The following TTC23L variants were observed in gnomAD, a reference collection of about 807,000 sequenced individuals.
TTC23L encodes tetratricopeptide repeat domain 23 like.
Under a neutral mutation model 48.1 loss-of-function variants are expected in TTC23L, and 42 were observed. The ratio of observed to expected loss-of-function variants is 0.87; its 90% CI spans 0.68 to 1.13. The LOEUF (loss-of-function observed/expected upper bound fraction) is 1.13, where lower values mean the gene tolerates loss of function less well. Ranked by LOEUF, TTC23L falls within the 50% of genes most tolerant of loss-of-function variation. The pLI, the probability that TTC23L is intolerant of heterozygous loss-of-function variation, is 0.00. For missense variants in TTC23L, 391 were observed against 421.0 expected (o/e 0.93, Z 0.62); for synonymous variants, 159 against 157.2 (o/e 1.01, Z -0.09).
At chr5:34,840,825 G>T in intron 2 of TTC23L, 86 bp downstream of exon 2, 1 of 1,269,710 alleles carries the variant, frequency 7.9e-7, no homozygotes. Context: ...TGGGTGAGGA[G>T]CTTTGCATGA....
exon 10 of TTC23L, chr5:34,896,813 GGAA>G: frequency 2.7e-6 from 2 of 752,946 alleles, no homozygotes; most frequent in Non-Finnish European, 5.0e-6. Context: ...AGCCATTCCT[GGAA>G]GAAGGAACTC....
the TTC23L span, chr5:34,920,633 T>C: frequency 6.6e-6 from 1 of 152,194 alleles, no homozygotes; most frequent in African/African-American, 2.4e-5. Context: ...AAGCAGGTTA[T>C]AGGTTTTGGA....
the TTC23L span, chr5:34,918,225 CACTT>C: frequency 6.0e-6 from 3 of 497,394 alleles, no homozygotes; most frequent in South Asian, 3.3e-5. Context: ...GTGGGAGGAT[CACTT>C]ACTTGAGCCC....
At chr5:34,899,484 T>G (rs1239637669), downstream of TTC23L, 1 of 152,632 alleles carries the variant, frequency 6.6e-6, no homozygotes, top group Non-Finnish European at 1.5e-5. Context: ...AAAATGTTTC[T>G]CAACACTGAT....
rs540696318 is a variant in TTC23L at position 34,880,002 on chromosome 5, A to G, written c.950-179A>G. Reference sequence around the variant, plus strand: ...AGAGTGATACTCTATCTCAAAAAACAAAAGAAAACAACAACAGCAAAAAAA... The same window carrying G: ...AGAGTGATACTCTATCTCAAAAAACGAAAGAAAACAACAACAGCAAAAAAA... On this transcript the variant is annotated intron_variant, in intron 8 of 10. Coordinates refer to ENST00000505624, the Ensembl canonical transcript of TTC23L. Among the ~76,000 whole-genome samples, 3 of 152,314 alleles carry G rather than the reference A, an allele frequency of 2.0e-5. No individual in the cohort carries two copies. In the South Asian group the frequency reaches 6.2e-4, roughly 32 times the overall value.
chr5:34,864,451 A>G, exon 6 of TTC23L: 1 of 1,613,772 alleles, frequency 6.2e-7, no homozygotes, highest in Middle Eastern at 1.6e-4. Flanking sequence ...AGAGAAGCCT[A>G]TTTCAACCTG....
intron 2 of TTC23L, among the ~76,000 whole-genome samples, chr5:34,844,706 T>C (rs569836781): frequency 1.0e-3 from 157 of 152,360 alleles, no homozygotes; most frequent in African/African-American, 3.6e-3. Flanking sequence ...TTATTTATAC[T>C]TAAAATTTCT....
chr5:34,853,203 T>C (rs1464914162), intron 4 of TTC23L, among the ~76,000 whole-genome samples: 1 of 152,106 alleles, frequency 6.6e-6, no homozygotes, highest in Non-Finnish European at 1.5e-5. Context: ...TAGGAGCAAG[T>C]TGAGGCCATA....
chr5:34,908,766 C>T, the TTC23L span: 3 of 1,598,860 alleles, frequency 1.9e-6, no homozygotes, highest in South Asian at 1.1e-5. Context: ...TTGTCATACT[C>T]AAGACTCAGA....
chr5:34,910,301 C>G, the TTC23L span, among the ~76,000 whole-genome samples: 1 of 152,088 alleles, frequency 6.6e-6, no homozygotes, highest in Non-Finnish European at 1.5e-5. Context: ...GTTTTAAGTA[C>G]CTGAATTTTT....
At chr5:34,862,963 A>C in exon 5 of TTC23L, 1 of 1,614,014 alleles carries the variant, frequency 6.2e-7, no homozygotes, top group Non-Finnish European at 8.5e-7. Flanking sequence ...CTGGAAGGCA[A>C]ATACGACCTC....
At chr5:34,923,030 G>A in the TTC23L span, 1 of 1,547,660 alleles carries the variant, frequency 6.5e-7, no homozygotes, top group Non-Finnish European at 8.9e-7. Context: ...ATTATGCTTT[G>A]TTAAAAGAAC....
chr5:34,896,910 G>A, intron 10 of TTC23L, 35 bp downstream of exon 10: 2 of 674,674 alleles, frequency 3.0e-6, no homozygotes, highest in Non-Finnish European at 5.5e-6. Flanking sequence ...AGGGCAGCAT[G>A]TCCTGAAAGG....
downstream of TTC23L, among the ~76,000 whole-genome samples, chr5:34,904,333 C>T (rs1459598232): frequency 1.3e-5 from 2 of 151,234 alleles, no homozygotes; most frequent in Non-Finnish European, 3.0e-5. Flanking sequence ...TGGTGGCTCA[C>T]ACCTGTAATC....
chr5:34,896,392 T>C (rs889936710), intron 9 of TTC23L, among the ~76,000 whole-genome samples: 4 of 152,166 alleles, frequency 2.6e-5, no homozygotes, highest in Non-Finnish European at 4.4e-5. Context: ...TACCACATAC[T>C]TGCTGTTCAG....
the TTC23L span, chr5:34,918,142 A>C: frequency 4.4e-6 from 1 of 229,292 alleles, no homozygotes; most frequent in Admixed American, 5.7e-5. Context: ...CATCTCTACA[A>C]AAAAAAAAAA....
chr5:34,911,717 T>C, the TTC23L span: 2 of 1,614,170 alleles, frequency 1.2e-6, no homozygotes, highest in Non-Finnish European at 1.7e-6. Context: ...TCCTGTGTAT[T>C]GATTTTGCAG....
At chr5:34,910,512 C>T in the TTC23L span, among the ~76,000 whole-genome samples, 37 of 152,090 alleles carry the variant, frequency 2.4e-4, no homozygotes, top group East Asian at 7.0e-3. Flanking sequence ...ACCGCAACCT[C>T]CACTTCCTGG....
chr5:34,880,518 C>A, intron 9 of TTC23L: 1 of 528,214 alleles, frequency 1.9e-6, no homozygotes, highest in Non-Finnish European at 3.3e-6. Context: ...CAACTCTGTC[C>A]GACAAGATTT....
Sources: gnomAD v4.1 joint callset for allele counts (sites outside exome capture counted in the v4.1 genomes callset) on GRCh38, gnomAD v4.1.1 for gene constraint, MANE v1.5 for transcripts, NCBI Gene and HGNC (gene_info 2026-07-23, HGNC 2026-07-21) for gene names.